The following CSNK1G3 variants were observed in gnomAD, a reference collection of about 807,000 sequenced individuals.
CSNK1G3 encodes the protein casein kinase I isoform gamma-3.
In CSNK1G3, 23 loss-of-function variants were observed where a neutral mutation model predicts 64.3. The observed-to-expected ratio is 0.36, with a 90% CI of 0.26 to 0.51. CSNK1G3 has a LOEUF of 0.51. CSNK1G3 is among the 20% of genes least tolerant of loss of function. CSNK1G3 has a pLI of 0.96. For synonymous variants in CSNK1G3, 158 were observed against 162.2 expected, an observed-to-expected ratio of 0.97 and a Z score of 0.20; for missense variants, 357 against 510.5, an observed-to-expected ratio of 0.70 and a Z score of 2.90.
chr5:123,608,997 A>G (rs1208734984), intron 12 of CSNK1G3, among the ~76,000 whole-genome samples: 1 of 152,186 alleles, frequency 6.6e-6, no homozygotes, highest in Non-Finnish European at 1.5e-5. Context: ...ACTAGTTCTC[A>G]AAGATGAGAA....
At chr5:123,540,417 A>G (rs1256980546) in intron 1 of CSNK1G3, among the ~76,000 whole-genome samples, 3 of 152,192 alleles carry the variant, frequency 2.0e-5, no homozygotes, top group South Asian at 2.1e-4. Flanking sequence ...TTCTCTAGCT[A>G]TTTTAAGAAG....
intron 12 of CSNK1G3, among the ~76,000 whole-genome samples, chr5:123,611,306 A>G (rs1349628957): frequency 5.3e-5 from 8 of 152,222 alleles, no homozygotes; most frequent in Admixed American, 5.2e-4. Context: ...CTCTGGTGGT[A>G]GTAACTTTAA....
chr5:123,614,456 A>C (rs1749113864), exon 13 of CSNK1G3: 1 of 1,505,980 alleles, frequency 6.6e-7, no homozygotes, highest in Non-Finnish European at 9.1e-7. Flanking sequence ...TCTTGTGATT[A>C]AAATCATCTC....
At chr5:123,610,163 T>C (rs532873622) in intron 12 of CSNK1G3, among the ~76,000 whole-genome samples, 1 of 152,294 alleles carries the variant, frequency 6.6e-6, no homozygotes, top group East Asian at 1.9e-4. Context: ...GTAGATGATC[T>C]TGTTCTCTGA....
chr5:123,546,412 G>T (rs1177782345), intron 2 of CSNK1G3, among the ~76,000 whole-genome samples: 2 of 151,980 alleles, frequency 1.3e-5, no homozygotes, highest in African/African-American at 4.8e-5. Context: ...GGAAACACTG[G>T]TCTAATTAAG....
intron 6 of CSNK1G3, among the ~76,000 whole-genome samples, chr5:123,579,334 A>C (rs1315674935): frequency 6.6e-6 from 1 of 151,588 alleles, no homozygotes; most frequent in Admixed American, 6.6e-5. Flanking sequence ...AAATATTTAA[A>C]ATTATGAAAC....
At chr5:123,515,785 T>C (rs1329111278) in intron 1 of CSNK1G3, among the ~76,000 whole-genome samples, 1 of 152,184 alleles carries the variant, frequency 6.6e-6, no homozygotes, top group Non-Finnish European at 1.5e-5. Context: ...GACTTATAAC[T>C]GAATTTGTGT....
chr5:123,520,494 AG>A (rs1171757248), intron 1 of CSNK1G3, among the ~76,000 whole-genome samples: 3 of 138,030 alleles, frequency 2.2e-5, no homozygotes, highest in Non-Finnish European at 3.1e-5. Flanking sequence ...TTTTTTTTTG[AG>A]GGGGGTAGAA....
At chr5:123,595,155 G>A (rs1455676112) in intron 10 of CSNK1G3, 21 bp downstream of exon 11, 10 of 1,603,440 alleles carry the variant, frequency 6.2e-6, no homozygotes, top group Non-Finnish European at 8.5e-6. Flanking sequence ...ATTTTTGCAT[G>A]AGTGATTATT....
At chr5:123,584,806 A>G (rs7704840) in intron 6 of CSNK1G3, among the ~76,000 whole-genome samples, 3,051 of 152,298 alleles carry the variant, frequency 0.02, 108 homozygotes, top group African/African-American at 0.07. Context: ...TTTAGTTATT[A>G]GTAGCTTTCA....
intron 12 of CSNK1G3, among the ~76,000 whole-genome samples, chr5:123,609,462 A>G (rs936544497): frequency 6.6e-6 from 1 of 152,182 alleles, no homozygotes; most frequent in Non-Finnish European, 1.5e-5. Context: ...GTATTGGACC[A>G]TTTGTTTAGT....
At chr5:123,540,835 C>G (rs1325210159) in intron 1 of CSNK1G3, among the ~76,000 whole-genome samples, 1 of 152,088 alleles carries the variant, frequency 6.6e-6, no homozygotes. Context: ...CCATGTTGGC[C>G]AGGCTGGTCT....
At position 123,519,303 on chromosome 5, in the gene CSNK1G3, C is replaced by G. The variant is rs1777695323; in HGVS notation, c.-248+6733C>G. Among the ~76,000 whole-genome samples, 3 of 152,196 alleles carry G rather than the reference C, an allele frequency of 2.0e-5. 1 individual carries two copies. In the South Asian group the frequency reaches 6.2e-4, roughly 31 times the overall value. ...TCCTGACCTCAGGTGATCTGCCTGC[C>G]TCGGTCTCCCAAAGTGCTGGATTAC... On this transcript the variant is annotated intron_variant, in intron 1 of 12. Transcript: ENST00000345990.
rs114186411 is a variant in CSNK1G3 at position 123,608,943 on chromosome 5, G to T, written c.1217+3581G>T. 5.2e-3 allele frequency among the ~76,000 whole-genome samples: 796 copies of T among 152,264 alleles called. 5 individuals are homozygous for T. The highest frequency in any genetic ancestry group is 9.0e-3 in the Admixed American group (137 of 15,270). On this transcript the variant is annotated intron_variant, in intron 12 of 12. Transcript: ENST00000345990. Reference sequence around the variant, plus strand: ...TCAGAAAATGGAGTATGTCCTCCTAGTTGGGAAGATCGGAGAAGTCCTCAT... The same window carrying T: ...TCAGAAAATGGAGTATGTCCTCCTATTTGGGAAGATCGGAGAAGTCCTCAT...
At chr5:123,612,297 G>A (rs1796469820) in intron 12 of CSNK1G3, among the ~76,000 whole-genome samples, 1 of 152,052 alleles carries the variant, frequency 6.6e-6, no homozygotes, top group Non-Finnish European at 1.5e-5. Context: ...CATAATTATG[G>A]CAGAAATCAC....
intron 1 of CSNK1G3, among the ~76,000 whole-genome samples, chr5:123,534,541 A>C (rs1375856745): frequency 6.6e-6 from 1 of 152,168 alleles, no homozygotes; most frequent in Non-Finnish European, 1.5e-5. Flanking sequence ...ATTTTGGAGA[A>C]GCCCACATGG....
rs367836166 is a variant in CSNK1G3, at chr5:123,590,223, C to G, written c.845-190C>G. Reference sequence around the variant, plus strand: ...ACTAAACCTCCCATTTTTCTTGTGTCTCTATTCCCTTCCTTCTTTTCCTCT... The same window carrying G: ...ACTAAACCTCCCATTTTTCTTGTGTGTCTATTCCCTTCCTTCTTTTCCTCT... On this transcript the variant is annotated intron_variant, in intron 8 of 12. Transcript: ENST00000345990. Among the ~76,000 whole-genome samples, 4 of 152,020 alleles carry G rather than the reference C, an allele frequency of 2.6e-5. No homozygotes were observed. In the South Asian group the frequency reaches 8.3e-4, roughly 32 times the overall value.
rs1789360259 is a variant in CSNK1G3 at position 123,577,284 on chromosome 5, A to T, written c.673+1321A>T. 3.3e-5 allele frequency among the ~76,000 whole-genome samples: 5 copies of T among 152,128 alleles called. No homozygotes were observed. In the South Asian group the frequency reaches 1.0e-3, roughly 32 times the overall value. ...GGTATTTAGAAACCAAGATTTGGCC[A>T]CTGGATATGCTCATTACTGTGGTAT... On this transcript the variant is annotated intron_variant, in intron 6 of 12. Coordinates refer to ENST00000345990, the Ensembl canonical transcript of CSNK1G3.
Position 123,588,537 on chromosome 5 carries a change from A to G in CSNK1G3, c.844+26A>G, listed in dbSNP as rs767755349. On this transcript the variant is annotated intron_variant, in intron 8 of 12. Transcript: ENST00000345990. Reference sequence around the variant, plus strand: ...GTAATGAATAATGTGAGGTTGATACATTATATACAGAAAACTAGAAATGCT... The same window carrying G: ...GTAATGAATAATGTGAGGTTGATACGTTATATACAGAAAACTAGAAATGCT... The G allele has an allele frequency of 3.0e-5, 41 of 1,369,632 alleles. No homozygotes were observed. The Middle Eastern group carries it at 7.3e-4, about 24-fold the overall frequency. 84.8% of individuals were successfully genotyped at this position (1,369,632 alleles called of 1,614,324 possible).
Sources: gnomAD v4.1 joint callset for allele counts (sites outside exome capture counted in the v4.1 genomes callset) on GRCh38, gnomAD v4.1.1 for gene constraint, MANE v1.5 for transcripts, NCBI Gene and HGNC (gene_info 2026-07-23, HGNC 2026-07-21) for gene names.